Variants in GRHL2 observed in about 807,000 individuals in gnomAD.
GRHL2 encodes grainyhead like transcription factor 2.
GRHL2 carries 21 observed loss-of-function variants against 83.8 expected under a neutral mutation model. The observed-to-expected ratio is 0.25, with a 90% CI of 0.18 to 0.36. The LOEUF (loss-of-function observed/expected upper bound fraction) is 0.36. Among genes scored for constraint, GRHL2 ranks in the 10% least tolerant of loss-of-function variants. The probability of loss-of-function intolerance (pLI) is 1.00; values close to 1 mark genes in which losing one functional copy is unlikely to be tolerated. For missense variants in GRHL2, 623 were observed against 781.8 expected, an observed-to-expected ratio of 0.80 and a Z score of 2.42; for synonymous variants, 280 against 278.9, an observed-to-expected ratio of 1.00 and a Z score of -0.04.
At chr8:101,515,022 T>TTTCCTTCCTTCCTTCCTTCCATCCTTCC (rs1242912427) in intron 1 of GRHL2, among the ~76,000 whole-genome samples, 1 of 148,224 alleles carries the variant, frequency 6.7e-6, no homozygotes, top group African/African-American at 2.6e-5. Context: ...CCCCCTTCAT[T>TTTCCTTCCTTCCTTCCTTCCATCCTTCC]TTCCTTCCTT....
intron 12 of GRHL2, among the ~76,000 whole-genome samples, chr8:101,640,752 T>G (rs35435549): frequency 0.12 from 18,915 of 152,110 alleles, 2,487 homozygotes; most frequent in African/African-American, 0.34. Flanking sequence ...GGGGCAGTAG[T>G]ATCCTTGGTA....
intron 4 of GRHL2, among the ~76,000 whole-genome samples, chr8:101,566,733 GTTAGGAACA>G (rs1452602695): frequency 6.6e-6 from 1 of 151,662 alleles, no homozygotes; most frequent in African/African-American, 2.4e-5. Context: ...ATTGCACTCT[GTTAGGAACA>G]TTAAGGTTGA....
In GRHL2 at chr8:101,669,573, C is replaced by T. The variant is rs1206254313; in HGVS notation, c.*2870C>T. 1 of 148,666 alleles carries T rather than the reference C, an allele frequency of 6.7e-6. No individual in the cohort carries two copies. The highest frequency in any genetic ancestry group is 2.5e-5 in the African/African-American group (1 of 40,016). 9.2% of individuals were successfully genotyped at this position (148,666 alleles called of 1,614,324 possible). ...CAAGCAAGGGAGATTGATATATGTA[C>T]AATTTGCTCTCATGTTTTAAAAAAA... On this transcript the variant is annotated 3_prime_UTR_variant, in exon 16 of 16. Transcript: ENST00000646743.
intron 9 of GRHL2, among the ~76,000 whole-genome samples, chr8:101,624,703 A>G (rs1419494912): frequency 6.6e-6 from 1 of 152,182 alleles, no homozygotes; most frequent in Non-Finnish European, 1.5e-5. Flanking sequence ...CACAGCAATT[A>G]GTAGGACAGT....
the GRHL2 span, among the ~76,000 whole-genome samples, chr8:101,680,096 G>T: frequency 7.5e-5 from 8 of 106,190 alleles, 3 homozygotes; most frequent in Non-Finnish European, 3.8e-5. Flanking sequence ...AAATGTAAAT[G>T]GGCTAAATGC....
At chr8:101,585,997 T>TCC (rs1461016633) in intron 7 of GRHL2, among the ~76,000 whole-genome samples, 2 of 151,644 alleles carry the variant, frequency 1.3e-5, no homozygotes, top group Admixed American at 1.3e-4. Flanking sequence ...CCAGCTCCAG[T>TCC]CCCTGATCCC....
chr8:101,521,140 T>A (rs78570674), intron 1 of GRHL2, among the ~76,000 whole-genome samples: 25,017 of 152,024 alleles, frequency 0.16, 2,210 homozygotes, highest in East Asian at 0.33. Context: ...GAGTCTGACT[T>A]GGAGTGAAGA....
chr8:101,618,139 T>C (rs1254937171), intron 8 of GRHL2, among the ~76,000 whole-genome samples: 1 of 152,234 alleles, frequency 6.6e-6, no homozygotes, highest in Non-Finnish European at 1.5e-5. Context: ...AGTTACCATG[T>C]AAACCTGGGT....
At chr8:101,524,010 C>G (rs780629439) in intron 1 of GRHL2, among the ~76,000 whole-genome samples, 52 of 152,232 alleles carry the variant, frequency 3.4e-4, no homozygotes, top group Non-Finnish European at 3.8e-4. Context: ...CTTATGTTTT[C>G]TCTTCAAGAT....
intron 1 of GRHL2, among the ~76,000 whole-genome samples, chr8:101,523,889 T>A (rs1397027449): frequency 6.6e-6 from 1 of 152,244 alleles, no homozygotes; most frequent in Admixed American, 6.5e-5. Context: ...TGCTTTCTTC[T>A]GGTTCATAAC....
At chr8:101,586,005 C>T (rs1812156344) in intron 7 of GRHL2, among the ~76,000 whole-genome samples, 1 of 151,776 alleles carries the variant, frequency 6.6e-6, no homozygotes, top group African/African-American at 2.4e-5. Context: ...AGTCCCTGAT[C>T]CCTGCAGACT....
chr8:101,523,983 C>T (rs1250317763), intron 1 of GRHL2, among the ~76,000 whole-genome samples: 3 of 152,108 alleles, frequency 2.0e-5, no homozygotes, highest in African/African-American at 4.8e-5. Flanking sequence ...ATAGAATGCC[C>T]CACCATTTGG....
intron 5 of GRHL2, among the ~76,000 whole-genome samples, chr8:101,573,240 CAAA>C (rs76573673): frequency 1.5e-4 from 12 of 78,832 alleles, no homozygotes; most frequent in Non-Finnish European, 1.1e-4. Flanking sequence ...CTTGGTTAGA[CAAA>C]AAAAAAAAAA....
chr8:101,613,667 G>A (rs956871395), intron 8 of GRHL2, among the ~76,000 whole-genome samples: 1 of 151,076 alleles, frequency 6.6e-6, no homozygotes, highest in Non-Finnish European at 1.5e-5. Context: ...ATGTGAGAAA[G>A]CTGTCTGTAG....
chr8:101,562,420 G>A, intron 4 of GRHL2: 1 of 554,292 alleles, frequency 1.8e-6, no homozygotes, highest in Non-Finnish European at 3.1e-6. Flanking sequence ...TGCAATTATT[G>A]TGGACAAACG....
chr8:101,560,435 GC>G (rs1276295289), intron 4 of GRHL2, among the ~76,000 whole-genome samples: 1 of 152,126 alleles, frequency 6.6e-6, no homozygotes, highest in East Asian at 1.9e-4. Context: ...GTTGCTTCCA[GC>G]TTTTGGCTAT....
chr8:101,632,796 A>G (rs998113612), intron 11 of GRHL2, among the ~76,000 whole-genome samples: 8 of 152,272 alleles, frequency 5.3e-5, no homozygotes, highest in Non-Finnish European at 1.2e-4. Context: ...ATTTTCGCTT[A>G]GTAAATAAAA....
intron 7 of GRHL2, among the ~76,000 whole-genome samples, chr8:101,585,940 C>T (rs1272850599): frequency 6.6e-6 from 1 of 152,004 alleles, no homozygotes; most frequent in Non-Finnish European, 1.5e-5. Context: ...GGGGGTGGTC[C>T]TCGGGCTCCC....
At chr8:101,597,023 TAGA>T (rs1251512870) in intron 7 of GRHL2, among the ~76,000 whole-genome samples, 4 of 152,300 alleles carry the variant, frequency 2.6e-5, no homozygotes, top group Non-Finnish European at 4.4e-5. Context: ...TTAAAAGCGG[TAGA>T]AGAAGTGCAA....
Sources: gnomAD v4.1 joint callset for allele counts (sites outside exome capture counted in the v4.1 genomes callset) on GRCh38, gnomAD v4.1.1 for gene constraint, MANE v1.5 for transcripts, NCBI Gene and HGNC (gene_info 2026-07-23, HGNC 2026-07-21) for gene names.